Variants in U2AF2 observed in about 807,000 individuals in gnomAD.
The protein encoded by U2AF2 is splicing factor U2AF 65 kDa subunit.
U2AF2 carries 6 observed loss-of-function variants against 52.6 expected under a neutral mutation model. The observed-to-expected ratio is 0.11, with a 90% CI of 0.06 to 0.23. The LOEUF (loss-of-function observed/expected upper bound fraction) is 0.23. U2AF2 is among the 10% of genes least tolerant of loss of function. U2AF2 has a pLI of 1.00. For synonymous variants in U2AF2, 284 were observed against 258.2 expected (o/e 1.10, Z -0.96); for missense variants, 222 against 677.1 (o/e 0.33, Z 7.46).
chr19:55,662,064 C>T (rs1021531943), intron 5 of U2AF2: 1 of 167,780 alleles, frequency 6.0e-6, no homozygotes, highest in Non-Finnish European at 1.3e-5. Flanking sequence ...CCCTGCCTGC[C>T]ACTTCCTTTC....
At chr19:55,663,366 C>T (rs1010753461) in intron 6 of U2AF2, among the ~76,000 whole-genome samples, 4 of 152,198 alleles carry the variant, frequency 2.6e-5, no homozygotes, top group African/African-American at 7.2e-5. Flanking sequence ...TCATCACAGC[C>T]TGCAATTGTG....
rs764201224 is a variant in U2AF2, at chr19:55,668,747, G to A, written c.900G>A (p.Lys300=). 31 of 1,613,648 alleles carry A rather than the reference G, an allele frequency of 1.9e-5. No homozygotes were observed. The South Asian group carries it at 3.4e-4, about 18-fold the overall frequency. The part of the protein sequence containing the change: ...LVKDSATGLS[K]GYAFCEYVDI... ...AGGACAGTGCCACGGGGCTCTCCAA[G>A]GGCTACGCCTTCTGTGAGTACGTGG... The change falls in exon 9 of 12, where the codon AAG becomes AAA. Residue 300 remains lysine (K), a synonymous_variant. Transcript: ENST00000308924. The surrounding 1 kb of genome is among the most constrained non-coding windows in gnomAD (Gnocchi z 5.5).
At chr19:55,666,337 G>A (rs1171931891) in intron 7 of U2AF2, among the ~76,000 whole-genome samples, 1 of 152,240 alleles carries the variant, frequency 6.6e-6, no homozygotes, top group African/African-American at 2.4e-5. Context: ...CCGCTGCAGA[G>A]GTATGGGGCC....
At position 55,668,272 on chromosome 19, in the gene U2AF2, G is replaced by T. The variant is rs1984669222; in HGVS notation, c.743-235G>T. Among the ~76,000 whole-genome samples, 5 of 152,088 alleles carry T rather than the reference G, an allele frequency of 3.3e-5. No homozygotes were observed. In the South Asian group the frequency reaches 1.0e-3, roughly 31 times the overall value. The stretch of plus-strand genomic sequence containing the variant: ...TGTTCTAGTTTGAGGTTCCCCTGAG[G>T]CTGGGCAGATTTGGGAGACATGGTG... On this transcript the variant is annotated intron_variant, in intron 7 of 11. Coordinates refer to ENST00000308924, the MANE Select transcript of U2AF2 (RefSeq NM_007279.3). The surrounding 1 kb of genome is among the most constrained non-coding windows in gnomAD (Gnocchi z 5.5).
chr19:55,660,496 T>TGGCCGCCC lies in U2AF2; in HGVS notation c.231-20_231-19insGGCCGCCC. On this transcript the variant is annotated intron_variant, in intron 3 of 11. Coordinates refer to ENST00000308924, the MANE Select transcript of U2AF2 (RefSeq NM_007279.3). ...AGACTGAGGTTGCCCTGCCCCGCTC[T>TGGCCGCCC]CCCCTCCCACCTCCCCCAGTCGTTC... 1 of 894,578 alleles carries TGGCCGCCC rather than the reference T, an allele frequency of 1.1e-6. No homozygotes were observed. Among genetic ancestry groups the TGGCCGCCC allele is most frequent in the Non-Finnish European group, 1.8e-6 (1 of 553,304 alleles). 55.4% of individuals were successfully genotyped at this position (894,578 alleles called of 1,614,324 possible).
At chr19:55,662,842 T>C (rs576067471) in intron 6 of U2AF2, among the ~76,000 whole-genome samples, 3 of 152,282 alleles carry the variant, frequency 2.0e-5, no homozygotes, top group South Asian at 2.1e-4. Context: ...GTTTGGCCTC[T>C]GTAGACCTCT....
intron 1 of U2AF2, among the ~76,000 whole-genome samples, chr19:55,655,623 TG>T (rs1272965899): frequency 2.6e-5 from 4 of 152,144 alleles, no homozygotes; most frequent in Admixed American, 6.5e-5. Flanking sequence ...GAGAACTTGG[TG>T]GGGGGGCCCC....
chr19:55,664,821 A>G (rs766542721), intron 7 of U2AF2, among the ~76,000 whole-genome samples: 1 of 152,082 alleles, frequency 6.6e-6, no homozygotes, highest in Non-Finnish European at 1.5e-5. Context: ...GGGTTCAAGC[A>G]ATTCTCCTGC....
At position 55,659,339 on chromosome 19, in the gene U2AF2, G is replaced by A. The variant is rs1267841824; in HGVS notation, c.179G>A (p.Arg60Gln). The change falls in exon 2 of 12, where the codon CGA (arginine) becomes CAA (glutamine). Residue 60 changes from arginine to glutamine, a missense_variant. By Grantham distance (43) the Arg-to-Gln change is conservative (BLOSUM62 1). Transcript: ENST00000308924. ...DQRSASRDRR[R>Q]RSKPLTRGAK... ...CGGAGCGCCTCCCGGGACAGGCGACGACGCAGGTACTAGGGCTCAGGGATC... is the reference window on the plus strand; with the variant it reads ...CGGAGCGCCTCCCGGGACAGGCGACAACGCAGGTACTAGGGCTCAGGGATC... The A allele has an allele frequency of 2.6e-6, 4 of 1,534,794 alleles. No homozygotes were observed. Among genetic ancestry groups the A allele is most frequent in the South Asian group, 1.2e-5 (1 of 83,152 alleles).
At chr19:55,669,852 T>C (rs1405150262) in intron 11 of U2AF2, among the ~76,000 whole-genome samples, 160 bp downstream of exon 11, 1 of 152,178 alleles carries the variant, frequency 6.6e-6, no homozygotes, top group Non-Finnish European at 1.5e-5. Flanking sequence ...TATAGGTGTA[T>C]GCCATCACTG....
intron 7 of U2AF2, among the ~76,000 whole-genome samples, chr19:55,667,122 C>T (rs1409396422): frequency 6.6e-6 from 1 of 152,246 alleles, no homozygotes; most frequent in East Asian, 1.9e-4. Flanking sequence ...GTGGTTGGAG[C>T]TGGCTGGGTT....
chr19:55,668,909 G>T lies in U2AF2; in HGVS notation c.945+117G>T. The T allele has an allele frequency of 6.5e-7, 1 of 1,529,846 alleles. No homozygotes were observed. Among genetic ancestry groups the T allele is most frequent in the South Asian group, 1.2e-5 (1 of 80,470 alleles). 94.8% of individuals were successfully genotyped at this position (1,529,846 alleles called of 1,614,324 possible). On this transcript the variant is annotated intron_variant, in intron 9 of 11. Transcript: ENST00000308924. This position sits in a 1 kb window ranked among gnomAD's most constrained non-coding sequence, Gnocchi z 5.5. ...CGGGAGGCGGCCAACCTGAGGCAGT[G>T]CCCTGTGTGTGGGCTCGTCCCTGTC...
chr19:55,662,907 A>G (rs1984308232), intron 6 of U2AF2, among the ~76,000 whole-genome samples: 1 of 151,914 alleles, frequency 6.6e-6, no homozygotes, highest in Non-Finnish European at 1.5e-5. Flanking sequence ...GGCCACACTG[A>G]CCTTCCCAGA....
chr19:55,657,988 G>GT (rs946295302), intron 1 of U2AF2, among the ~76,000 whole-genome samples: 6 of 152,176 alleles, frequency 3.9e-5, no homozygotes, highest in African/African-American at 1.4e-4. Flanking sequence ...ATTTGTTGCT[G>GT]TTTTTTTCCC....
At chr19:55,670,712 C>T in intron 11 of U2AF2, 1 of 210,558 alleles carries the variant, frequency 4.7e-6, no homozygotes, top group Non-Finnish European at 9.7e-6. Flanking sequence ...GGAGGGCTGC[C>T]TGGGTCTTGG....
chr19:55,673,922 CT>C lies in U2AF2; in HGVS notation c.1294-9del. The C allele has an allele frequency of 6.2e-7, 1 of 1,606,620 alleles. No homozygotes were observed. Among genetic ancestry groups the C allele is most frequent in the Non-Finnish European group, 8.5e-7 (1 of 1,175,626 alleles). On this transcript the variant is annotated splice_polypyrimidine_tract_variant and intron_variant, in intron 11 of 11. Coordinates refer to ENST00000308924, the MANE Select transcript of U2AF2 (RefSeq NM_007279.3). Reference sequence around the variant, plus strand: ...AGCCTTGTTCACAAACCTGCCTCTCCTTTCCCCACAGATCTTTGTGGAGTTC... The same window carrying C: ...AGCCTTGTTCACAAACCTGCCTCTCCTTCCCCACAGATCTTTGTGGAGTTC...
In U2AF2 at chr19:55,655,042, G is replaced by C. The variant is rs1418513791; in HGVS notation, c.-63G>C. ...GAAGCCAGCGGCGGAAGTAGCCGAA[G>C]CGGCTGGAGCGGGCGGCAAGGCGAG... is the stretch of plus-strand genomic sequence containing the variant. On this transcript the variant is annotated 5_prime_UTR_variant, in exon 1 of 12. Coordinates refer to ENST00000308924, the MANE Select transcript of U2AF2 (RefSeq NM_007279.3). 6.3e-7 allele frequency: 1 copy of C among 1,591,236 alleles called. No individual in the cohort carries two copies. Among genetic ancestry groups the C allele is most frequent in the Non-Finnish European group, 8.6e-7 (1 of 1,169,434 alleles).
At chr19:55,662,701 C>G in intron 6 of U2AF2, 83 bp downstream of exon 6, 1 of 1,283,362 alleles carries the variant, frequency 7.8e-7, no homozygotes, top group Admixed American at 1.8e-5. Flanking sequence ...GTGGAGCTGC[C>G]TTGTGCTGTT....
At chr19:55,663,569 AC>A (rs745439437) in intron 6 of U2AF2, 36 bp from the exon 7 acceptor site, 1 of 1,605,530 alleles carries the variant, frequency 6.2e-7, no homozygotes, top group Admixed American at 1.7e-5. Flanking sequence ...CTAGTCCCTG[AC>A]CCCCATCCCT....
Sources: allele counts gnomAD v4.1 joint callset (sites outside exome capture counted in the v4.1 genomes callset), GRCh38; gene constraint gnomAD v4.1.1; non-coding constraint Gnocchi (gnomAD v3.1); transcripts MANE v1.5; gene names NCBI Gene and HGNC (gene_info 2026-07-23, HGNC 2026-07-21).